PDCD6: variants seen among roughly 807,000 people sequenced by gnomAD.
PDCD6 encodes programmed cell death protein 6.
Under a neutral mutation model 28.3 loss-of-function variants are expected in PDCD6, and 12 were observed. The observed-to-expected ratio is 0.42, with a 90% CI of 0.27 to 0.69. The LOEUF is 0.69. PDCD6 is among the 30% of genes least tolerant of loss of function. PDCD6 has a pLI of 0.22. For missense variants in PDCD6, 226 were observed against 269.9 expected, an observed-to-expected ratio of 0.84 and a Z score of 1.14; for synonymous variants, 92 against 108.0, an observed-to-expected ratio of 0.85 and a Z score of 0.92.
intron 2 of PDCD6, chr5:290,164 T>C (rs1403490187): frequency 2.0e-5 from 32 of 1,591,680 alleles, no homozygotes; most frequent in Non-Finnish European, 2.2e-5. Context: ...CATCACTTTC[T>C]CCAGTTTGAA....
intron 2 of PDCD6, among the ~76,000 whole-genome samples, chr5:293,554 C>A (rs1145547): frequency 1.8e-3 from 23 of 13,002 alleles, no homozygotes; most frequent in Admixed American, 2.7e-3. Flanking sequence ...GCCCGCGATA[C>A]TGTCAGAGAC....
At chr5:275,817 C>T (rs1224414157) in intron 2 of PDCD6, among the ~76,000 whole-genome samples, 2 of 152,272 alleles carry the variant, frequency 1.3e-5, no homozygotes, top group South Asian at 2.1e-4. Flanking sequence ...TTTAGTACAC[C>T]GTGTTTCTGT....
chr5:311,641 C>T lies in PDCD6; in HGVS notation c.477+239C>T, dbSNP rs932020533. The T allele has an allele frequency of 4.0e-5, 20 of 497,424 alleles. No homozygotes were observed. In the East Asian group the frequency reaches 4.9e-4, roughly 12 times the overall value. The allele number at this position is 497,424 out of a possible 1,614,324, so 30.8% of individuals were successfully genotyped here. A position where few individuals can be genotyped will look rare whatever the true frequency, so the allele number is the denominator to read the frequency against. On this transcript the variant is annotated intron_variant, in intron 5 of 5. Transcript: ENST00000264933. ...CTGCAAGACGTGGTTTTTCAGTATC[C>T]GGTGGGTTATTTACATGTATGTTCT...
At chr5:292,876 A>G (rs1202177080) in intron 2 of PDCD6, among the ~76,000 whole-genome samples, 2 of 152,138 alleles carry the variant, frequency 1.3e-5, no homozygotes, top group East Asian at 1.9e-4. Flanking sequence ...CCTCTTGAAC[A>G]AGACTTGGCC....
chr5:296,382 C>T (rs753796535), intron 2 of PDCD6, among the ~76,000 whole-genome samples: 6 of 152,156 alleles, frequency 3.9e-5, no homozygotes, highest in Non-Finnish European at 8.8e-5. Flanking sequence ...GTTCACGCCC[C>T]ACGTGCACCT....
chr5:312,234 C>T (rs756193685), intron 5 of PDCD6: 6 of 152,294 alleles, frequency 3.9e-5, no homozygotes, highest in South Asian at 2.1e-4. Flanking sequence ...TTGAGACCCA[C>T]GGGAGATGGA....
chr5:294,441 C>T (rs571095976), intron 2 of PDCD6, among the ~76,000 whole-genome samples: 12 of 152,274 alleles, frequency 7.9e-5, no homozygotes, highest in Admixed American at 2.0e-4. Context: ...GCATATTGCC[C>T]GAGAAAGAGG....
rs558237763 is a variant in PDCD6 at position 300,488 on chromosome 5, G to A, written c.164-3689G>A. On this transcript the variant is annotated intron_variant, in intron 2 of 5. Coordinates refer to ENST00000264933, the MANE Select transcript of PDCD6 (RefSeq NM_013232.4). ...CTCAGGGACCCCCATGCAGTCTTTC[G>A]TGCTTTCACCAGAAACTCACCTTGG... 1.2e-4 allele frequency among the ~76,000 whole-genome samples: 19 copies of A among 152,338 alleles called. No homozygotes were observed. The South Asian group carries it at 2.3e-3, about 18-fold the overall frequency.
intron 2 of PDCD6, among the ~76,000 whole-genome samples, chr5:291,080 T>G (rs1386013694): frequency 6.6e-6 from 1 of 152,188 alleles, no homozygotes; most frequent in Non-Finnish European, 1.5e-5. Context: ...CTGGAGGCCC[T>G]GCCTGAGTCC....
At chr5:302,874 G>C (rs1349120084) in intron 2 of PDCD6, among the ~76,000 whole-genome samples, 2 of 150,552 alleles carry the variant, frequency 1.3e-5, no homozygotes, top group Non-Finnish European at 3.0e-5. Flanking sequence ...GCGGATCATT[G>C]AGTGCTGCTC....
Position 297,276 on chromosome 5 carries a change from AC to A in PDCD6, c.164-6900del, listed in dbSNP as rs557715120. Among the ~76,000 whole-genome samples, 51 of 152,378 alleles carry A rather than the reference AC, an allele frequency of 3.3e-4. No individual in the cohort carries two copies. In the East Asian group the frequency reaches 9.3e-3, roughly 28 times the overall value. The stretch of plus-strand genomic sequence containing the variant: ...CTGTGGATCTACCATGTGGTTAACC[AC>A]GGAATAAACATGGGGGAGAGCGTAA... On this transcript the variant is annotated intron_variant, in intron 2 of 5. Transcript: ENST00000264933.
chr5:304,045 C>T (rs565611733), intron 2 of PDCD6, 132 bp from the exon 3 acceptor site: 11 of 1,308,264 alleles, frequency 8.4e-6, no homozygotes, highest in Admixed American at 7.8e-5. Flanking sequence ...CGACACGTCA[C>T]CTGGAGTGTC....
intron 2 of PDCD6, among the ~76,000 whole-genome samples, chr5:301,107 G>A (rs1433922653): frequency 2.0e-5 from 3 of 152,234 alleles, no homozygotes; most frequent in Non-Finnish European, 2.9e-5. Context: ...ATCAGGACAC[G>A]TCACAGTGCA....
intron 2 of PDCD6, among the ~76,000 whole-genome samples, chr5:282,860 A>G (rs1301468792): frequency 1.3e-5 from 2 of 151,850 alleles, no homozygotes; most frequent in East Asian, 3.9e-4. Context: ...CTGATCTTCT[A>G]GTTTGAGGGT....
Position 286,668 on chromosome 5 carries a change from G to A in PDCD6, c.163+13896G>A, listed in dbSNP as rs372994597. 6.6e-5 allele frequency among the ~76,000 whole-genome samples: 10 copies of A among 150,842 alleles called. No homozygotes were observed. The East Asian group carries it at 1.2e-3, about 18-fold the overall frequency. On this transcript the variant is annotated intron_variant, in intron 2 of 5. Coordinates refer to ENST00000264933, the MANE Select transcript of PDCD6 (RefSeq NM_013232.4). ...TCTTGAGACTCGGGGAGGTACTGAT[G>A]TTCCCGTTGGAGAGCCGTGCAGCTG...
chr5:284,093 T>C (rs1372549396), intron 2 of PDCD6, among the ~76,000 whole-genome samples: 1 of 151,994 alleles, frequency 6.6e-6, no homozygotes, highest in East Asian at 1.9e-4. Flanking sequence ...TGTTCTAGAT[T>C]GAGGGTCTTG....
intron 5 of PDCD6, chr5:311,733 A>AC (rs1185731967): frequency 1.8e-5 from 5 of 281,636 alleles, no homozygotes; most frequent in African/African-American, 6.9e-5. Context: ...TCGCTCTGTC[A>AC]CCCAGACGGG....
Position 306,695 on chromosome 5 carries a change from C to T in PDCD6, c.302C>T (p.Thr101Met), listed in dbSNP as rs545985005. 104 of 1,613,944 alleles carry T rather than the reference C, an allele frequency of 6.4e-5. No homozygotes were observed. The highest frequency in any genetic ancestry group is 7.5e-5 in the Non-Finnish European group (89 of 1,180,018). The change falls in exon 4 of 6, where the codon ACG becomes ATG. Residue 101 changes from threonine to methionine, a missense_variant. Physicochemically the swap from Thr to Met is moderately conservative, Grantham distance 81. Coordinates refer to ENST00000264933, the MANE Select transcript of PDCD6 (RefSeq NM_013232.4). The part of the protein sequence containing the change: ...YITDWQNVFR[T>M]YDRDNSGMID... ...ACGGACTGGCAGAACGTCTTCCGCACGTACGACCGGGACAACTCCGGGATG... is the reference window on the plus strand; with the variant it reads ...ACGGACTGGCAGAACGTCTTCCGCATGTACGACCGGGACAACTCCGGGATG...
intron 2 of PDCD6, 150 bp from the exon 3 acceptor site, chr5:304,027 A>T (rs925022812): frequency 9.7e-7 from 1 of 1,031,428 alleles, no homozygotes; most frequent in African/African-American, 1.9e-5. Context: ...CCCAGGAGTC[A>T]TGGCAGCCGA....
Sources: gnomAD v4.1 joint callset for allele counts (sites outside exome capture counted in the v4.1 genomes callset) on GRCh38, gnomAD v4.1.1 for gene constraint, MANE v1.5 for transcripts, NCBI Gene and HGNC (gene_info 2026-07-23, HGNC 2026-07-21) for gene names.